The following RBFOX1 variants were observed in gnomAD, a reference collection of about 807,000 sequenced individuals.
RBFOX1 encodes the protein RNA binding fox-1 homolog 1.
A neutral mutation model predicts 57.7 loss-of-function variants in RBFOX1; 8 were observed. That is an observed-to-expected ratio of 0.14 (90% confidence interval 0.08 to 0.25). The LOEUF (loss-of-function observed/expected upper bound fraction) is 0.25, where lower values mean the gene tolerates loss of function less well. RBFOX1 is among the 10% of genes least tolerant of loss of function. RBFOX1 has a pLI of 1.00. For missense variants in RBFOX1, 611 were observed against 548.5 expected (o/e 1.11, Z -1.14); for synonymous variants, 326 against 222.4 (o/e 1.47, Z -4.15).
chr16:7,679,307 C>T (rs565883300), intron 14 of RBFOX1, among the ~76,000 whole-genome samples: 2 of 152,152 alleles, frequency 1.3e-5, no homozygotes, highest in African/African-American at 4.8e-5. Context: ...TAATTTCTCT[C>T]AGAAGTAGCA....
In RBFOX1 at chr16:6,069,596, G is replaced by T. The variant is rs187707209; in HGVS notation, c.-127+49604G>T. On this transcript the variant is annotated intron_variant, in intron 1 of 15. Transcript: ENST00000550418. ...ACTCTTCTTTCTGGAGAATTTCAAG[G>T]TCATATAAACCTTCCGCAAACTTAG... 2.5e-3 allele frequency among the ~76,000 whole-genome samples: 386 copies of T among 152,172 alleles called. 2 individuals are homozygous for T. The highest frequency in any genetic ancestry group is 4.5e-3 in the Non-Finnish European group (304 of 68,004).
chr16:5,756,796 C>T (rs2053413708), intron 3 of RBFOX1, among the ~76,000 whole-genome samples: 1 of 152,124 alleles, frequency 6.6e-6, no homozygotes, highest in African/African-American at 2.4e-5. Context: ...GCAAATTGGC[C>T]AGCTTCGTGG....
chr16:6,672,405 AGGAC>A, intron 3 of RBFOX1, among the ~76,000 whole-genome samples: 1 of 151,282 alleles, frequency 6.6e-6, no homozygotes, highest in Non-Finnish European at 1.5e-5. Context: ...GAGAAAAGGA[AGGAC>A]GGATGGATGG....
intron 3 of RBFOX1, among the ~76,000 whole-genome samples, chr16:6,997,053 T>G (rs2153624745): frequency 6.6e-6 from 1 of 152,280 alleles, no homozygotes; most frequent in Middle Eastern, 3.4e-3. Context: ...TATAAGTACA[T>G]TGTAGACAGA....
At chr16:5,860,143 C>A (rs890761847) in intron 3 of RBFOX1, among the ~76,000 whole-genome samples, 2 of 152,154 alleles carry the variant, frequency 1.3e-5, no homozygotes, top group African/African-American at 4.8e-5. Context: ...AGTGCAATGG[C>A]ATGATCTCAA....
At chr16:6,924,015 C>A (rs1310824030) in intron 3 of RBFOX1, among the ~76,000 whole-genome samples, 1 of 151,828 alleles carries the variant, frequency 6.6e-6, no homozygotes, top group Non-Finnish European at 1.5e-5. Flanking sequence ...ACTAAAAATA[C>A]AAACATTAGT....
At chr16:6,317,278 T>A (rs1420031) in intron 2 of RBFOX1, among the ~76,000 whole-genome samples, 1 of 151,888 alleles carries the variant, frequency 6.6e-6, no homozygotes, top group Admixed American at 6.6e-5. Flanking sequence ...CCTGGGAAAT[T>A]TGTGAGGTTA....
intron 3 of RBFOX1, among the ~76,000 whole-genome samples, chr16:6,729,269 T>G (rs766823031): frequency 2.0e-5 from 3 of 152,172 alleles, no homozygotes. Context: ...TTACTTGAGA[T>G]TGGGACCTGA....
chr16:7,409,153 G>C (rs562240292), intron 4 of RBFOX1, among the ~76,000 whole-genome samples: 3 of 152,184 alleles, frequency 2.0e-5, no homozygotes, highest in African/African-American at 7.2e-5. Flanking sequence ...ATCAGGTTCC[G>C]GGAGCTGGAG....
At chr16:5,455,319 A>G (rs1172776060) in intron 1 of RBFOX1, among the ~76,000 whole-genome samples, 1 of 152,058 alleles carries the variant, frequency 6.6e-6, no homozygotes, top group African/African-American at 2.4e-5. Context: ...TGAATTTCCC[A>G]AGAGACCAAG....
chr16:5,443,639 C>A (rs1281835648), intron 1 of RBFOX1, among the ~76,000 whole-genome samples: 1 of 152,140 alleles, frequency 6.6e-6, no homozygotes, highest in Non-Finnish European at 1.5e-5. Context: ...CACACCTGGC[C>A]CATCTGAATT....
chr16:5,649,717 C>T (rs1026310596), intron 3 of RBFOX1, among the ~76,000 whole-genome samples: 5 of 152,192 alleles, frequency 3.3e-5, no homozygotes, highest in Non-Finnish European at 7.3e-5. Flanking sequence ...CATGAATTTA[C>T]ATTTCTCTTT....
In RBFOX1 at chr16:7,646,720, A is replaced by T. The variant is rs1404634322; in HGVS notation, c.758-7095A>T. ...CCCCCTGTCGGGTTTTGCATCTGCT[A>T]CTCTTCCATCTCCCCCAGAGCTCTA... On this transcript the variant is annotated intron_variant, in intron 11 of 15. Coordinates refer to ENST00000550418, the MANE Select transcript of RBFOX1 (RefSeq NM_018723.4). Among the ~76,000 whole-genome samples, 3 of 152,172 alleles carry T rather than the reference A, an allele frequency of 2.0e-5. No individual in the cohort carries two copies. The East Asian group carries it at 5.8e-4, about 29-fold the overall frequency.
intron 2 of RBFOX1, among the ~76,000 whole-genome samples, chr16:6,408,714 A>T (rs933804814): frequency 1.3e-5 from 2 of 152,164 alleles, no homozygotes; most frequent in African/African-American, 4.8e-5. Context: ...CAAGTTTTCA[A>T]GGCAAAGGGC....
chr16:7,615,737 G>A (rs2058332173), intron 10 of RBFOX1, among the ~76,000 whole-genome samples: 1 of 152,140 alleles, frequency 6.6e-6, no homozygotes, highest in South Asian at 2.1e-4. Flanking sequence ...GGCGGGGATT[G>A]GGGAGTGTTG....
At chr16:7,251,415 T>TC (rs2094495373) in intron 4 of RBFOX1, among the ~76,000 whole-genome samples, 1 of 147,674 alleles carries the variant, frequency 6.8e-6, no homozygotes, top group African/African-American at 2.5e-5. Context: ...GTTTTTTTTT[T>TC]TTTTTTCTGT....
At chr16:5,478,948 G>A (rs982523079) in intron 2 of RBFOX1, among the ~76,000 whole-genome samples, 1 of 152,104 alleles carries the variant, frequency 6.6e-6, no homozygotes, top group African/African-American at 2.4e-5. Flanking sequence ...ATCACTAGCT[G>A]CAGGGCACCA....
intron 3 of RBFOX1, among the ~76,000 whole-genome samples, chr16:6,701,109 G>C (rs945885428): frequency 6.7e-6 from 1 of 150,128 alleles, no homozygotes; most frequent in Non-Finnish European, 1.5e-5. Flanking sequence ...CAGAGGTGAA[G>C]AGTTTATCAG....
chr16:7,711,603 TTC>T lies in RBFOX1; in HGVS notation c.*860_*861del, dbSNP rs1215737685. The T allele has an allele frequency of 6.6e-6, 1 of 152,598 alleles. No homozygotes were observed. Among genetic ancestry groups the T allele is most frequent in the African/African-American group, 2.4e-5 (1 of 41,436 alleles). The allele number at this position is 152,598 out of a possible 1,614,324, so 9.5% of individuals were successfully genotyped here. On this transcript the variant is annotated 3_prime_UTR_variant, in exon 16 of 16. Coordinates refer to ENST00000550418, the MANE Select transcript of RBFOX1 (RefSeq NM_018723.4). ...ATAAAAAAGCACTGTTTCTATTTTT[TTC>T]TTTTTTTCCAAAAAAAGAAAGTAAT...
Sources: allele counts gnomAD v4.1 joint callset (sites outside exome capture counted in the v4.1 genomes callset), GRCh38; gene constraint gnomAD v4.1.1; transcripts MANE v1.5; gene names NCBI Gene and HGNC (gene_info 2026-07-23, HGNC 2026-07-21).